Variants in SLC9C2 observed in about 807,000 individuals in gnomAD.
The protein encoded by SLC9C2 is solute carrier family 9 member C2 (putative), also known as sodium/hydrogen exchanger 11.
A neutral mutation model predicts 140.2 loss-of-function variants in SLC9C2; 75 were observed. The ratio of observed to expected loss-of-function variants is 0.53; its 90% CI spans 0.44 to 0.65. The LOEUF (loss-of-function observed/expected upper bound fraction) is 0.65, where lower values mean the gene tolerates loss of function less well. Among genes scored for constraint, SLC9C2 ranks in the 30% least tolerant of loss-of-function variants. SLC9C2 has a pLI of 0.00. For synonymous variants in SLC9C2, 375 were observed against 420.9 expected, an observed-to-expected ratio of 0.89 and a Z score of 1.34; for missense variants, 1,074 against 1,331.8, an observed-to-expected ratio of 0.81 and a Z score of 3.01.
chr1:173,576,786 A>C, intron 7 of SLC9C2, 26 bp from the exon 8 acceptor site: 1 of 1,372,514 alleles, frequency 7.3e-7, no homozygotes, highest in Non-Finnish European at 1.0e-6. Context: ...AAACAAATGA[A>C]TCAAATGCAA....
chr1:173,517,826 G>A, intron 22 of SLC9C2, 122 bp from the exon 23 acceptor site: 1 of 803,204 alleles, frequency 1.2e-6, no homozygotes, highest in Non-Finnish European at 1.8e-6. Context: ...CCTGTCAGGT[G>A]TGAAAGAAGA....
At chr1:173,587,917 G>T in intron 4 of SLC9C2, 87 bp from the exon 5 acceptor site, 1 of 1,027,610 alleles carries the variant, frequency 9.7e-7, no homozygotes, top group Non-Finnish European at 1.4e-6. Context: ...GTCAGATCTT[G>T]GTTGTAAATG....
At chr1:173,501,197 A>G (rs1659242067) in intron 27 of SLC9C2, 100 bp from the exon 28 acceptor site, 12 of 1,219,558 alleles carry the variant, frequency 9.8e-6, no homozygotes, top group Non-Finnish European at 1.2e-5. Flanking sequence ...AGGCATTTCT[A>G]TTTTATTATC....
Position 173,573,334 on chromosome 1 carries a change from A to T in SLC9C2, c.903-9T>A. On this transcript the variant is annotated splice_polypyrimidine_tract_variant and intron_variant, in intron 8 of 27. Transcript: ENST00000367714. ...AAAAAATTCTTAAGAACCTAGGATG[A>T]ATGAAATAGAAATGACATTTTAAGC... is the stretch of plus-strand genomic sequence containing the variant. 1 of 1,457,282 alleles carries T rather than the reference A, an allele frequency of 6.9e-7. No homozygotes were observed. Among genetic ancestry groups the T allele is most frequent in the Non-Finnish European group, 9.4e-7 (1 of 1,069,466 alleles). 90.3% of individuals were successfully genotyped at this position (1,457,282 alleles called of 1,614,324 possible).
chr1:173,506,150 A>G (rs1034790300), intron 25 of SLC9C2, among the ~76,000 whole-genome samples: 6 of 152,222 alleles, frequency 3.9e-5, no homozygotes, highest in African/African-American at 1.4e-4. Context: ...AGGTTTACCA[A>G]CTTTTCCAGG....
At chr1:173,525,147 A>ACT (rs1292526648) in intron 19 of SLC9C2, among the ~76,000 whole-genome samples, 3 of 151,508 alleles carry the variant, frequency 2.0e-5, no homozygotes, top group Admixed American at 6.6e-5. Context: ...AGAGAAAATC[A>ACT]CTCTCTCTCT....
chr1:173,544,867 C>T (rs1472314351), intron 13 of SLC9C2, among the ~76,000 whole-genome samples: 2 of 151,898 alleles, frequency 1.3e-5, no homozygotes, highest in South Asian at 2.1e-4. Flanking sequence ...TGGGGTAGGG[C>T]GATGGGGGAG....
intron 10 of SLC9C2, among the ~76,000 whole-genome samples, chr1:173,555,765 G>A (rs536896291): frequency 6.6e-6 from 1 of 152,230 alleles, no homozygotes; most frequent in South Asian, 2.1e-4. Flanking sequence ...CGGGCCCACA[G>A]ATATAAATCC....
chr1:173,581,996 C>A lies in SLC9C2; in HGVS notation c.653G>T (p.Gly218Val). ...HFSIFRDLHV[G>V]IELSYDILGS... ...CAAAATGTCATAGCTGAGTTCAATG[C>A]CTACATGTAAATCTAAAAAAAAGAA... The change falls in exon 7 of 28, where the codon GGC (glycine) becomes GTC (valine). Residue 218 changes from glycine (G) to valine (V), a missense_variant. Coordinates refer to ENST00000367714, the MANE Select transcript of SLC9C2 (RefSeq NM_178527.4). 2 of 1,542,368 alleles carry A rather than the reference C, an allele frequency of 1.3e-6. No homozygotes were observed. Among genetic ancestry groups the A allele is most frequent in the East Asian group, 2.3e-5 (1 of 43,816 alleles).
rs181726695 is a variant in SLC9C2 at position 173,562,016 on chromosome 1, T to C, written c.1047-4508A>G. On this transcript the variant is annotated intron_variant, in intron 9 of 27. Transcript: ENST00000367714. ...CACAGCTATGTAGTAAAGCCAGTTC[T>C]AGAAATAAAATTTCATTTTTTTGAG... is the stretch of plus-strand genomic sequence containing the variant. 7.5e-4 allele frequency among the ~76,000 whole-genome samples: 114 copies of C among 152,250 alleles called. No individual in the cohort carries two copies. The East Asian group carries it at 0.015, about 20-fold the overall frequency.
At chr1:173,501,190 C>A (rs905771907) in intron 27 of SLC9C2, 93 bp from the exon 28 acceptor site, 1 of 1,277,544 alleles carries the variant, frequency 7.8e-7, no homozygotes, top group Non-Finnish European at 1.0e-6. Context: ...CTTATGTAGG[C>A]ATTTCTATTT....
chr1:173,553,805 A>G (rs1385941603), intron 11 of SLC9C2, among the ~76,000 whole-genome samples: 1 of 152,186 alleles, frequency 6.6e-6, no homozygotes, highest in Non-Finnish European at 1.5e-5. Flanking sequence ...CAATATCTCC[A>G]AGTTATGCCT....
chr1:173,538,452 T>C (rs1662132219), intron 13 of SLC9C2, among the ~76,000 whole-genome samples: 1 of 144,254 alleles, frequency 6.9e-6, no homozygotes, highest in Non-Finnish European at 1.5e-5. Flanking sequence ...ATTAAATGCC[T>C]ACTCTGTTCC....
At chr1:173,588,815 C>T (rs1210507086) in intron 4 of SLC9C2, among the ~76,000 whole-genome samples, 1 of 151,578 alleles carries the variant, frequency 6.6e-6, no homozygotes. Context: ...GGCTCATGCC[C>T]ATAATCCCAG....
chr1:173,564,553 A>C (rs1413052699), intron 9 of SLC9C2, among the ~76,000 whole-genome samples: 1 of 151,732 alleles, frequency 6.6e-6, no homozygotes, highest in Non-Finnish European at 1.5e-5. Context: ...TCAGATTGTT[A>C]GATGTTTTCC....
intron 23 of SLC9C2, among the ~76,000 whole-genome samples, chr1:173,510,424 G>A (rs1659958235): frequency 1.3e-5 from 2 of 152,080 alleles, no homozygotes; most frequent in South Asian, 4.2e-4. Flanking sequence ...CTATCAACAT[G>A]TCATCTAAGT....
At chr1:173,531,170 A>G (rs1661552960) in intron 17 of SLC9C2, among the ~76,000 whole-genome samples, 1 of 152,208 alleles carries the variant, frequency 6.6e-6, no homozygotes, top group Non-Finnish European at 1.5e-5. Flanking sequence ...ATTAAACCAG[A>G]TAATTTATGT....
intron 3 of SLC9C2, among the ~76,000 whole-genome samples, chr1:173,599,463 C>G (rs1328231094): frequency 6.9e-6 from 1 of 145,222 alleles, no homozygotes; most frequent in Non-Finnish European, 1.5e-5. Flanking sequence ...CAAGCTCCGT[C>G]TCCTGGGTTC....
At chr1:173,512,821 T>A (rs1387771326) in intron 23 of SLC9C2, among the ~76,000 whole-genome samples, 1 of 152,240 alleles carries the variant, frequency 6.6e-6, no homozygotes, top group African/African-American at 2.4e-5. Flanking sequence ...TTGAGATATG[T>A]TCCATCAATA....
Sources: allele counts gnomAD v4.1 joint callset (sites outside exome capture counted in the v4.1 genomes callset), GRCh38; gene constraint gnomAD v4.1.1; transcripts MANE v1.5; gene names NCBI Gene and HGNC (gene_info 2026-07-23, HGNC 2026-07-21).